The following DICER1 variants were observed in gnomAD, a reference collection of about 807,000 sequenced individuals.
The protein encoded by DICER1 is dicer 1, ribonuclease III, also known as endoribonuclease Dicer.
Under a neutral mutation model 194.1 loss-of-function variants are expected in DICER1, and 43 were observed. The observed-to-expected ratio is 0.22, with a 90% CI of 0.17 to 0.29. The LOEUF is 0.29. Ranked by LOEUF, DICER1 falls within the 10% of genes least tolerant of loss-of-function variation. The pLI is 1.00. For missense variants in DICER1, 1,608 were observed against 2,317.0 expected (o/e 0.69, Z 6.28); for synonymous variants, 832 against 820.5 (o/e 1.01, Z -0.24).
intron 26 of DICER1, 130 bp from the exon 27 acceptor site, chr14:95,090,793 T>A: frequency 8.6e-7 from 1 of 1,163,522 alleles, no homozygotes; most frequent in South Asian, 1.2e-5. Flanking sequence ...GAAACACGCG[T>A]TACGACTTAC....
At chr14:95,094,475 G>C (rs1890134963) in intron 23 of DICER1, among the ~76,000 whole-genome samples, 2 of 152,322 alleles carry the variant, frequency 1.3e-5, no homozygotes, top group East Asian at 3.9e-4. Context: ...GCACTGTGCT[G>C]TCTGGGCAGG....
At chr14:95,156,781 C>A (rs1336104483) in intron 1 of DICER1, among the ~76,000 whole-genome samples, 1 of 152,172 alleles carries the variant, frequency 6.6e-6, no homozygotes, top group Non-Finnish European at 1.5e-5. Context: ...CCCCTCCGGG[C>A]GCGGCACAGC....
chr14:95,100,689 T>C (rs66633849), intron 21 of DICER1, among the ~76,000 whole-genome samples: 16,167 of 152,228 alleles, frequency 0.11, 1,150 homozygotes, highest in East Asian at 0.38. Flanking sequence ...GGGTCTAGAA[T>C]TGTCAATCCC....
chr14:95,129,091 A>T, intron 6 of DICER1: 1 of 174,526 alleles, frequency 5.7e-6, no homozygotes, highest in Admixed American at 5.6e-5. Flanking sequence ...TATACTGCTG[A>T]ATTCTCTAAA....
At chr14:95,115,527 G>T in intron 11 of DICER1, 140 bp downstream of exon 11, 1 of 941,352 alleles carries the variant, frequency 1.1e-6, no homozygotes, top group South Asian at 1.4e-5. Flanking sequence ...GAAAAAAGAA[G>T]TAACTTTTCT....
intron 11 of DICER1, among the ~76,000 whole-genome samples, chr14:95,113,840 T>C (rs1488900059): frequency 6.6e-6 from 1 of 152,208 alleles, no homozygotes; most frequent in Non-Finnish European, 1.5e-5. Flanking sequence ...CCCTGTGAGG[T>C]TGCGACCTGT....
intron 8 of DICER1, among the ~76,000 whole-genome samples, chr14:95,119,230 A>G (rs1892740046): frequency 6.6e-6 from 1 of 152,250 alleles, no homozygotes; most frequent in Non-Finnish European, 1.5e-5. Flanking sequence ...ATTATAAATT[A>G]TCCATCTGGC....
intron 8 of DICER1, among the ~76,000 whole-genome samples, chr14:95,120,037 A>G (rs183428681): frequency 5.2e-4 from 79 of 152,370 alleles, no homozygotes; most frequent in Admixed American, 1.4e-3. Context: ...GAAAACTAAT[A>G]GATGTATTAC....
intron 1 of DICER1, among the ~76,000 whole-genome samples, chr14:95,144,521 AATCCATATC>A (rs1345463318): frequency 6.6e-6 from 1 of 152,166 alleles, no homozygotes. Flanking sequence ...GAACATACAA[AATCCATATC>A]ATACAAAATA....
chr14:95,092,578 TTC>T (rs1278041072), intron 24 of DICER1, among the ~76,000 whole-genome samples: 1 of 152,234 alleles, frequency 6.6e-6, no homozygotes, highest in Non-Finnish European at 1.5e-5. Context: ...CCAAGTTTAA[TTC>T]TCTCTTTTTA....
intron 24 of DICER1, 137 bp from the exon 25 acceptor site, chr14:95,091,502 A>T: frequency 1.3e-6 from 1 of 798,894 alleles, no homozygotes. Flanking sequence ...TGGTATGCCT[A>T]CTATATTGTA....
Position 95,092,012 on chromosome 14 carries a change from G to C in DICER1, c.5365-647C>G, listed in dbSNP as rs142058870. The stretch of plus-strand genomic sequence containing the variant: ...TTTGATGCAGCAATTGCATCTCTAA[G>C]AACTTATTTTAAGGAGGTAACTAGA... On this transcript the variant is annotated intron_variant, in intron 24 of 26. Transcript: ENST00000343455. Among the ~76,000 whole-genome samples, 1,235 of 152,180 alleles carry C rather than the reference G, an allele frequency of 8.1e-3. 8 individuals carry two copies. The highest frequency in any genetic ancestry group is 0.02 in the Middle Eastern group (6 of 294).
At chr14:95,114,825 A>T (rs1892293389) in intron 11 of DICER1, among the ~76,000 whole-genome samples, 1 of 152,146 alleles carries the variant, frequency 6.6e-6, no homozygotes. Context: ...AAAAATTTGT[A>T]ACCTGGGTCT....
chr14:95,148,961 G>GT (rs1895325906), intron 1 of DICER1, among the ~76,000 whole-genome samples: 1 of 143,866 alleles, frequency 7.0e-6, no homozygotes, highest in East Asian at 1.9e-4. Flanking sequence ...TGGAGACAGG[G>GT]TCTCACTCTG....
At position 95,103,700 on chromosome 14, in the gene DICER1, G is replaced by A. The variant is rs767516330; in HGVS notation, c.3696C>T (p.Ser1232=). The A allele has an allele frequency of 2.5e-6, 4 of 1,614,040 alleles. No individual in the cohort carries two copies. Among genetic ancestry groups the A allele is most frequent in the Admixed American group, 1.7e-5 (1 of 59,998 alleles). The change falls in exon 21 of 27, where the codon AGC becomes AGT. Residue 1232 remains serine, a synonymous_variant. Transcript: ENST00000343455. Reference sequence around the variant, plus strand: ...TATTACTCAGGAGAGTACATTCATCGCTGGGCTGGGGCTGGTTCTCGTAAC... The same window carrying A: ...TATTACTCAGGAGAGTACATTCATCACTGGGCTGGGGCTGGTTCTCGTAAC... ...LYSYENQPQP[S]DECTLLSNKY...
chr14:95,154,328 C>T (rs1275103922), intron 1 of DICER1, among the ~76,000 whole-genome samples: 1 of 152,110 alleles, frequency 6.6e-6, no homozygotes, highest in Admixed American at 6.5e-5. Context: ...TTTTGAAGAT[C>T]AAGAAACAAT....
rs767907056 is a variant in DICER1, at chr14:95,096,104, T to C, written c.4816A>G (p.Thr1606Ala). 24 of 1,614,060 alleles carry C rather than the reference T, an allele frequency of 1.5e-5. 1 individual carries two copies. The South Asian group carries it at 2.4e-4, about 16-fold the overall frequency. The change falls in exon 23 of 27, where the codon ACT becomes GCT. Residue 1606 changes from threonine to alanine, a missense_variant. Around this residue, in one of 10 missense-constraint regions of DICER1, gnomAD observed 125 missense variants for 134.9 expected, o/e 0.93. Transcript: ENST00000343455. ...TGTTGGCTGTTGAAATTCTCCCGAG[T>C]AGGGCACAGGGCCTTTTCCCGATCA... is the stretch of plus-strand genomic sequence containing the variant. ...RTDREKALCPTRENFNSQQKN... is the reference protein window; with the variant it reads ...RTDREKALCPARENFNSQQKN...
At chr14:95,117,008 G>A (rs1174564107) in intron 9 of DICER1, among the ~76,000 whole-genome samples, 2 of 152,104 alleles carry the variant, frequency 1.3e-5, no homozygotes, top group African/African-American at 4.8e-5. Flanking sequence ...TTATCAAAAA[G>A]CTACAATGTA....
At chr14:95,111,261 A>G (rs781342359) in intron 14 of DICER1, 56 bp downstream of exon 14, 10 of 1,606,982 alleles carry the variant, frequency 6.2e-6, no homozygotes, top group South Asian at 1.1e-5. Context: ...GATTTGATGT[A>G]GCGGAAAACA....
Sources: gnomAD v4.1 joint callset for allele counts (sites outside exome capture counted in the v4.1 genomes callset) on GRCh38, gnomAD v4.1.1 for gene constraint, gnomAD v4.1.1 regional missense constraint, MANE v1.5 for transcripts, NCBI Gene and HGNC (gene_info 2026-07-23, HGNC 2026-07-21) for gene names.